Variants in EBF2 observed in about 807,000 individuals in gnomAD.
EBF2 encodes transcription factor COE2.
Under a neutral mutation model 72.8 loss-of-function variants are expected in EBF2, and 21 were observed. That is an observed-to-expected ratio of 0.29 (90% CI 0.20 to 0.42). EBF2 has a LOEUF of 0.42. Among genes scored for constraint, EBF2 ranks in the 10% least tolerant of loss-of-function variants. EBF2 has a pLI of 1.00. For missense variants in EBF2, 637 were observed against 731.2 expected (o/e 0.87, Z 1.49); for synonymous variants, 299 against 274.2 (o/e 1.09, Z -0.89).
chr8:25,894,261 A>T (rs917042045), intron 7 of EBF2, among the ~76,000 whole-genome samples: 1 of 152,256 alleles, frequency 6.6e-6, no homozygotes, highest in Non-Finnish European at 1.5e-5. Context: ...ATACAGGTGA[A>T]GATATATTTG....
At chr8:25,952,498 C>A (rs1172778134) in intron 6 of EBF2, among the ~76,000 whole-genome samples, 1 of 152,110 alleles carries the variant, frequency 6.6e-6, no homozygotes, top group Non-Finnish European at 1.5e-5. Context: ...TGAACAGGAA[C>A]ATGTACTCAC....
chr8:25,906,767 A>AAAACAAAC (rs71551830), intron 7 of EBF2, among the ~76,000 whole-genome samples: 23 of 149,878 alleles, frequency 1.5e-4, no homozygotes, highest in African/African-American at 4.9e-4. Flanking sequence ...ACTCCATCTC[A>AAAACAAAC]AAACAAACAA....
chr8:25,846,052 T>A (rs1801826302), intron 15 of EBF2, among the ~76,000 whole-genome samples: 1 of 152,192 alleles, frequency 6.6e-6, no homozygotes, highest in Non-Finnish European at 1.5e-5. Flanking sequence ...CTTTATTGAA[T>A]GTTTGTGAGA....
chr8:25,980,910 CT>C (rs35739863), intron 6 of EBF2, among the ~76,000 whole-genome samples: 152,086 of 152,122 alleles, frequency 1, 76,025 homozygotes, highest in Middle Eastern at 1. Context: ...GGGTGACCCC[CT>C]TCACCCCTGG....
intron 7 of EBF2, among the ~76,000 whole-genome samples, chr8:25,906,397 A>T (rs1374816234): frequency 1.3e-5 from 2 of 152,186 alleles, no homozygotes; most frequent in African/African-American, 2.4e-5. Flanking sequence ...AATATTGAGC[A>T]CAGTGAATTT....
intron 6 of EBF2, among the ~76,000 whole-genome samples, chr8:25,978,841 T>C (rs1804310471): frequency 6.6e-6 from 1 of 152,152 alleles, no homozygotes; most frequent in Non-Finnish European, 1.5e-5. Context: ...TAATGAAAGC[T>C]TGTAAAAGAC....
intron 6 of EBF2, among the ~76,000 whole-genome samples, chr8:25,955,532 TA>T (rs1283411065): frequency 1.3e-5 from 2 of 152,022 alleles, no homozygotes; most frequent in Non-Finnish European, 2.9e-5. Flanking sequence ...TCCAGGCACA[TA>T]AAAAAAATGA....
rs1469066567 is a variant in EBF2 at position 25,942,366 on chromosome 8, C to A, written c.552-33811G>T. ...AGAGTGTCCACACTGCTCCTCCCAGCAAAGAGAAAGTCTTCAGGCTGCAGA... is the reference window on the plus strand; with the variant it reads ...AGAGTGTCCACACTGCTCCTCCCAGAAAAGAGAAAGTCTTCAGGCTGCAGA... On this transcript the variant is annotated intron_variant, in intron 6 of 15. Coordinates refer to ENST00000520164, the MANE Select transcript of EBF2 (RefSeq NM_022659.4). 2.6e-5 allele frequency among the ~76,000 whole-genome samples: 4 copies of A among 152,356 alleles called. No homozygotes were observed. In the East Asian group the frequency reaches 7.7e-4, roughly 29 times the overall value.
At chr8:25,894,569 C>T (rs375777628) in intron 7 of EBF2, among the ~76,000 whole-genome samples, 40 of 152,248 alleles carry the variant, frequency 2.6e-4, no homozygotes, top group African/African-American at 9.1e-4. Context: ...TCCCCCTTCT[C>T]GTTTTCCCCC....
Position 25,858,307 on chromosome 8 carries a change from G to T in EBF2, c.1528+12C>A, listed in dbSNP as rs746637154. 1 of 1,613,914 alleles carries T rather than the reference G, an allele frequency of 6.2e-7. No homozygotes were observed. Among genetic ancestry groups the T allele is most frequent in the South Asian group, 1.1e-5 (1 of 91,054 alleles). On this transcript the variant is annotated intron_variant, in intron 14 of 15. Transcript: ENST00000520164. ...AAAGCATGGAGAGCCAAGTGATGGA[G>T]AGGTCACTTACTTCCATAAGGAGAG...
At chr8:25,993,098 G>T (rs982116629) in intron 6 of EBF2, among the ~76,000 whole-genome samples, 2 of 152,026 alleles carry the variant, frequency 1.3e-5, no homozygotes, top group Non-Finnish European at 2.9e-5. Context: ...CACTGGGAAA[G>T]TGGAAAATCC....
chr8:25,879,627 G>A (rs1802575675), intron 10 of EBF2, among the ~76,000 whole-genome samples: 1 of 152,122 alleles, frequency 6.6e-6, no homozygotes, highest in South Asian at 2.1e-4. Flanking sequence ...ACTGACTTCA[G>A]GGACAGCCCA....
chr8:26,005,261 A>AATATATT (rs1563205468), intron 6 of EBF2, among the ~76,000 whole-genome samples: 4 of 19,392 alleles, frequency 2.1e-4, no homozygotes, highest in African/African-American at 9.2e-4. Context: ...TATTATATAT[A>AATATATT]ATATATAATA....
At chr8:25,870,946 C>T (rs1412152698) in intron 10 of EBF2, among the ~76,000 whole-genome samples, 1 of 152,130 alleles carries the variant, frequency 6.6e-6, no homozygotes, top group Admixed American at 6.5e-5. Flanking sequence ...CACACATACA[C>T]ACCGACAGAA....
intron 15 of EBF2, among the ~76,000 whole-genome samples, chr8:25,847,444 AC>A (rs1403823233): frequency 2.0e-5 from 3 of 152,172 alleles, no homozygotes; most frequent in African/African-American, 7.2e-5. Flanking sequence ...AGGGAACTTC[AC>A]AATGTTGGAC....
chr8:25,872,954 C>T (rs535746953), intron 10 of EBF2, among the ~76,000 whole-genome samples: 1 of 152,314 alleles, frequency 6.6e-6, no homozygotes, highest in African/African-American at 2.4e-5. Flanking sequence ...GTCCTCTTTC[C>T]TTACATAGTA....
intron 6 of EBF2, among the ~76,000 whole-genome samples, chr8:26,029,387 T>C (rs79073098): frequency 0.016 from 2,447 of 152,314 alleles, 69 homozygotes; most frequent in African/African-American, 0.055. Context: ...ATGTTTTACC[T>C]TCCCATTTTG....
At chr8:26,038,104 C>G (rs925102160) in intron 5 of EBF2, among the ~76,000 whole-genome samples, 1 of 152,218 alleles carries the variant, frequency 6.6e-6, no homozygotes, top group Non-Finnish European at 1.5e-5. Context: ...CCAGCTCTAA[C>G]TGACAGATTG....
intron 6 of EBF2, among the ~76,000 whole-genome samples, chr8:25,927,661 G>C (rs75374861): frequency 0.015 from 2,313 of 152,258 alleles, 46 homozygotes; most frequent in African/African-American, 0.047. Flanking sequence ...TAGAAGAGGG[G>C]ACAGGGGAGA....
Sources: allele counts gnomAD v4.1 joint callset (sites outside exome capture counted in the v4.1 genomes callset), GRCh38; gene constraint gnomAD v4.1.1; transcripts MANE v1.5; gene names NCBI Gene and HGNC (gene_info 2026-07-23, HGNC 2026-07-21).